UVRAG: variants seen among roughly 807,000 people sequenced by gnomAD.
The protein encoded by UVRAG is UV radiation resistance associated, also known as UV radiation resistance-associated gene protein.
A neutral mutation model predicts 78.0 loss-of-function variants in UVRAG; 19 were observed. The ratio of observed to expected loss-of-function variants is 0.24; its 90% CI spans 0.17 to 0.36. The LOEUF (loss-of-function observed/expected upper bound fraction) is 0.36, where lower values mean the gene tolerates loss of function less well. UVRAG is among the 10% of genes least tolerant of loss of function. The pLI, the probability that UVRAG is intolerant of heterozygous loss-of-function variation, is 1.00. For missense variants in UVRAG, 740 were observed against 853.8 expected (o/e 0.87, Z 1.66); for synonymous variants, 323 against 324.6 (o/e 1.00, Z 0.05).
rs142860045 is a variant in UVRAG, at chr11:76,062,260, C to A, written c.1227-3450C>A. On this transcript the variant is annotated intron_variant, in intron 12 of 14. Transcript: ENST00000356136. ...CTCAAGATCCTTAACTATTTTAGAT[C>A]TTTTCATCAAATAAGTTAACTTAGG... Among the ~76,000 whole-genome samples, 5 of 152,266 alleles carry A rather than the reference C, an allele frequency of 3.3e-5. No homozygotes were observed. In the East Asian group the frequency reaches 7.7e-4, roughly 24 times the overall value.
intron 1 of UVRAG, chr11:75,837,670 A>G (rs879903347): frequency 6.6e-6 from 1 of 151,686 alleles, no homozygotes; most frequent in Non-Finnish European, 1.5e-5. Context: ...TTTTCTGAAT[A>G]TTTTCTATCT....
At chr11:75,900,203 G>T (rs1391132247) in intron 5 of UVRAG, among the ~76,000 whole-genome samples, 1 of 152,158 alleles carries the variant, frequency 6.6e-6, no homozygotes, top group Non-Finnish European at 1.5e-5. Flanking sequence ...AGTTCGACTT[G>T]TTCTCACCAG....
chr11:76,015,727 T>C (rs1049937834), intron 11 of UVRAG, among the ~76,000 whole-genome samples: 3 of 152,160 alleles, frequency 2.0e-5, no homozygotes, highest in Non-Finnish European at 4.4e-5. Context: ...ACTTCTACCA[T>C]AAGAAGGTAG....
chr11:76,129,161 G>C (rs1199878324), intron 14 of UVRAG, among the ~76,000 whole-genome samples: 3 of 152,226 alleles, frequency 2.0e-5, no homozygotes, highest in Non-Finnish European at 4.4e-5. Context: ...ATGTGACACA[G>C]CCATCAAGTG....
chr11:76,056,168 C>T (rs73001573), intron 12 of UVRAG, among the ~76,000 whole-genome samples: 111 of 152,266 alleles, frequency 7.3e-4, no homozygotes, highest in South Asian at 2.1e-3. Flanking sequence ...CCTGCTTAAC[C>T]ATTGTTTAAC....
intron 6 of UVRAG, among the ~76,000 whole-genome samples, chr11:75,953,414 A>G (rs1948740995): frequency 6.6e-6 from 1 of 152,178 alleles, no homozygotes; most frequent in African/African-American, 2.4e-5. Context: ...ATGAAATACA[A>G]AACCATTAAT....
At chr11:75,941,424 T>C (rs1191345466) in intron 6 of UVRAG, among the ~76,000 whole-genome samples, 3 of 152,152 alleles carry the variant, frequency 2.0e-5, no homozygotes, top group Non-Finnish European at 4.4e-5. Flanking sequence ...AGGTTGAGCA[T>C]CCCTTAGCCA....
intron 1 of UVRAG, among the ~76,000 whole-genome samples, chr11:75,823,766 CTTTATAT>C (rs1945452274): frequency 6.6e-6 from 1 of 152,166 alleles, no homozygotes; most frequent in African/African-American, 2.4e-5. Context: ...GACCATCAGG[CTTTATAT>C]TTTATTTCCT....
At chr11:75,827,732 G>C (rs73489925) in intron 1 of UVRAG, among the ~76,000 whole-genome samples, 4,400 of 152,228 alleles carry the variant, frequency 0.029, 215 homozygotes, top group African/African-American at 0.1. Flanking sequence ...CACAGGATTC[G>C]GAACTGTATG....
chr11:76,002,818 G>A (rs1197143799), intron 8 of UVRAG, among the ~76,000 whole-genome samples: 1 of 152,190 alleles, frequency 6.6e-6, no homozygotes, highest in Non-Finnish European at 1.5e-5. Flanking sequence ...GCTCACACCT[G>A]TAGTCCTAGC....
chr11:75,875,256 C>T (rs919463968), intron 3 of UVRAG, among the ~76,000 whole-genome samples: 1 of 152,110 alleles, frequency 6.6e-6, no homozygotes, highest in African/African-American at 2.4e-5. Flanking sequence ...TTCACTTTGC[C>T]TAAAGTGCAT....
intron 12 of UVRAG, among the ~76,000 whole-genome samples, chr11:76,054,585 C>T (rs765702416): frequency 6.6e-5 from 10 of 152,230 alleles, no homozygotes; most frequent in Non-Finnish European, 1.5e-4. Context: ...GGTCTGCCTT[C>T]ACTTCCTTGA....
chr11:75,885,720 G>C (rs943607353), intron 4 of UVRAG, among the ~76,000 whole-genome samples: 1 of 152,086 alleles, frequency 6.6e-6, no homozygotes, highest in East Asian at 1.9e-4. Flanking sequence ...ATAAGTAAAG[G>C]ATAGTACACA....
chr11:76,060,491 T>C (rs987720475), intron 12 of UVRAG, among the ~76,000 whole-genome samples: 1 of 152,254 alleles, frequency 6.6e-6, no homozygotes, highest in African/African-American at 2.4e-5. Flanking sequence ...AGCCCACCGC[T>C]GCACTGTGGG....
chr11:76,043,240 A>T lies in UVRAG; in HGVS notation c.1227-22470A>T, dbSNP rs192525040. ...TTTAAACTGTTCTTTAATTTTTTTTAAAAAAAGGAAGAAAAAGTATCAGAT... is the reference window on the plus strand; with the variant it reads ...TTTAAACTGTTCTTTAATTTTTTTTTAAAAAAGGAAGAAAAAGTATCAGAT... On this transcript the variant is annotated intron_variant, in intron 12 of 14. Transcript: ENST00000356136. Among the ~76,000 whole-genome samples the T allele has an allele frequency of 2.0e-4, 31 of 152,206 alleles. No individual in the cohort carries two copies. In the East Asian group the frequency reaches 3.3e-3, roughly 16 times the overall value.
chr11:75,837,411 C>T (rs935737345), intron 1 of UVRAG: 9 of 151,584 alleles, frequency 5.9e-5, no homozygotes, highest in Non-Finnish European at 1.3e-4. Flanking sequence ...CATGCAACAT[C>T]TTCCTGTAGA....
chr11:75,827,106 G>T (rs1945530622), intron 1 of UVRAG, among the ~76,000 whole-genome samples: 1 of 151,908 alleles, frequency 6.6e-6, no homozygotes, highest in Non-Finnish European at 1.5e-5. Flanking sequence ...TTTGTCAGTA[G>T]ACTCCTGGGA....
Position 75,973,090 on chromosome 11 carries a change from G to A in UVRAG, c.700-10297G>A, listed in dbSNP as rs115335364. ...AGGTATAACTATGGTGAATAGGAGC[G>A]AAAGGGGATATCCTTGTCATGTTCT... On this transcript the variant is annotated intron_variant, in intron 7 of 14. Transcript: ENST00000356136. 9.2e-3 allele frequency among the ~76,000 whole-genome samples: 1,404 copies of A among 152,270 alleles called. 19 individuals carry two copies. Among genetic ancestry groups the A allele is most frequent in the African/African-American group, 0.032 (1,348 of 41,550 alleles).
chr11:76,085,063 CAAA>C (rs781218840), intron 13 of UVRAG, among the ~76,000 whole-genome samples: 1,299 of 49,554 alleles, frequency 0.026, 21 homozygotes, highest in African/African-American at 0.06. Context: ...GACCCTGTCT[CAAA>C]AAAAAAAAAA....
Sources: allele counts gnomAD v4.1 joint callset (sites outside exome capture counted in the v4.1 genomes callset), GRCh38; gene constraint gnomAD v4.1.1; transcripts MANE v1.5; gene names NCBI Gene and HGNC (gene_info 2026-07-23, HGNC 2026-07-21).